Variants in PYCR3 observed in about 807,000 individuals in gnomAD.
PYCR3 encodes the protein pyrroline-5-carboxylate reductase 3.
In PYCR3, 26 loss-of-function variants were observed where a neutral mutation model predicts 23.4. The ratio of observed to expected loss-of-function variants is 1.11; its 90% confidence interval spans 0.81 to 1.54. The LOEUF is 1.54. PYCR3 is among the 40% of genes most tolerant of loss of function. PYCR3 has a pLI of 0.00. For synonymous variants in PYCR3, 194 were observed against 162.6 expected, an observed-to-expected ratio of 1.19 and a Z score of -1.47; for missense variants, 360 against 376.3, an observed-to-expected ratio of 0.96 and a Z score of 0.36.
intron 1 of PYCR3, chr8:143,608,851 TGA>T: frequency 2.2e-6 from 1 of 456,694 alleles, no homozygotes; most frequent in Non-Finnish European, 4.4e-6. Context: ...CGATTGATCT[TGA>T]CTCTTCTGGA....
intron 3 of PYCR3, 121 bp downstream of exon 3, chr8:143,606,832 G>T: frequency 1.5e-6 from 2 of 1,366,752 alleles, no homozygotes; most frequent in Non-Finnish European, 2.0e-6. Flanking sequence ...CCTAAATCCA[G>T]CCACTTGATC....
intron 5 of PYCR3, 83 bp from the exon 6 acceptor site, chr8:143,605,965 C>A: frequency 6.4e-7 from 1 of 1,564,464 alleles, no homozygotes; most frequent in Non-Finnish European, 8.7e-7. Flanking sequence ...ATCCCCCAAC[C>A]TTGGCCCCAG....
chr8:143,606,324 G>T, intron 4 of PYCR3, 143 bp downstream of exon 4: 2 of 1,092,338 alleles, frequency 1.8e-6, no homozygotes, highest in Non-Finnish European at 1.3e-6. Context: ...GAAGTCCCGG[G>T]GACAAGCAGA....
In PYCR3 at chr8:143,609,555, G is replaced by A. The variant is rs759472146; in HGVS notation, c.-7C>T. ...ACGGCTCCGCAGCTGCCATCTTGTTGCCTCGGACGCCGCTGCGCTCACCGC... is the reference window on the plus strand; with the variant it reads ...ACGGCTCCGCAGCTGCCATCTTGTTACCTCGGACGCCGCTGCGCTCACCGC... On this transcript the variant is annotated 5_prime_UTR_variant, in exon 1 of 6. Transcript: ENST00000495276. 2.7e-6 allele frequency: 4 copies of A among 1,500,138 alleles called. No homozygotes were observed. The Admixed American group carries it at 8.6e-5, about 32-fold the overall frequency. 92.9% of individuals were successfully genotyped at this position (1,500,138 alleles called of 1,614,324 possible).
intron 1 of PYCR3, chr8:143,608,894 A>T (rs1270070217): frequency 2.2e-6 from 1 of 456,676 alleles, no homozygotes. Flanking sequence ...CAGAGAGTCA[A>T]AAGTCACCCA....
chr8:143,608,908 C>G, intron 1 of PYCR3: 1 of 456,902 alleles, frequency 2.2e-6, no homozygotes, highest in Non-Finnish European at 4.4e-6. Context: ...TCACCCAGCT[C>G]TCCCTATCCA....
chr8:143,607,480 A>C (rs1829434076), intron 2 of PYCR3, among the ~76,000 whole-genome samples: 1 of 152,122 alleles, frequency 6.6e-6, no homozygotes, highest in Admixed American at 6.5e-5. Context: ...GCATACATAC[A>C]CATGTACACA....
chr8:143,605,692 A>G lies in PYCR3; in HGVS notation c.*8T>C, dbSNP rs374994673. On this transcript the variant is annotated 3_prime_UTR_variant, in exon 6 of 6. Coordinates refer to ENST00000495276, the MANE Select transcript of PYCR3 (RefSeq NM_023078.6). ...CACAGAGGCAGGAAAGGATGGCCAG[A>G]GCCCAGCCTACTTTCTGCTGAGCTC... is the stretch of plus-strand genomic sequence containing the variant. The G allele has an allele frequency of 2.6e-5, 42 of 1,586,046 alleles. No individual in the cohort carries two copies. The highest frequency in any genetic ancestry group is 3.3e-5 in the Non-Finnish European group (38 of 1,160,736).
At position 143,605,834 on chromosome 8, in the gene PYCR3, G is replaced by A. The variant is rs899017241; in HGVS notation, c.691C>T (p.Arg231Cys). ...CCACCCGGGGTGCACACGTCTGAGC[G>A]CAGCTGGGCTGGGTGTTGGCCCTCG... ...LHEGQHPAQLRSDVCTPGGTT... is the reference protein window; with the variant it reads ...LHEGQHPAQLCSDVCTPGGTT... Residue 231 changes from arginine to cysteine, a missense_variant, in exon 6 of 6, where the codon CGC becomes TGC. Coordinates refer to ENST00000495276, the MANE Select transcript of PYCR3 (RefSeq NM_023078.6). The A allele has an allele frequency of 9.9e-6, 16 of 1,611,128 alleles. No individual in the cohort carries two copies. The highest frequency in any genetic ancestry group is 4.5e-5 in the East Asian group (2 of 44,846).
chr8:143,606,591 C>A lies in PYCR3; in HGVS notation c.425G>T (p.Arg142Leu), dbSNP rs760605838. 3.7e-5 allele frequency: 60 copies of A among 1,611,966 alleles called. No homozygotes were observed. The Middle Eastern group carries it at 6.6e-4, about 18-fold the overall frequency. ...QEGAIVMARG[R>L]HVGSSETKLL... ...CTTGGTCTCGCTGCTCCCCACGTGGCGGCCCCGCGCCATCACTATGGCCCC... is the reference window on the plus strand; with the variant it reads ...CTTGGTCTCGCTGCTCCCCACGTGGAGGCCCCGCGCCATCACTATGGCCCC... Residue 142 changes from arginine to leucine, a missense_variant, in exon 4 of 6, where the codon CGC becomes CTC. By Grantham distance (102) the Arg-to-Leu change is moderately radical. Transcript: ENST00000495276.
intron 1 of PYCR3, chr8:143,608,815 C>T (rs1240239641): frequency 4.4e-6 from 2 of 456,468 alleles, no homozygotes; most frequent in Middle Eastern, 3.2e-4. Flanking sequence ...AGGGAAGACT[C>T]CTGAGACTCA....
chr8:143,608,185 G>C (rs1301083850), intron 1 of PYCR3, 59 bp from the exon 2 acceptor site: 2 of 1,378,926 alleles, frequency 1.5e-6, no homozygotes, highest in Admixed American at 1.7e-5. Flanking sequence ...ATGGCACGGA[G>C]AGGAGAGGGA....
intron 4 of PYCR3, 146 bp from the exon 5 acceptor site, chr8:143,606,300 A>T: frequency 9.0e-7 from 1 of 1,111,098 alleles, no homozygotes; most frequent in South Asian, 1.5e-5. Flanking sequence ...GGCCTCAAAG[A>T]TCCCCAAGGC....
intron 2 of PYCR3, among the ~76,000 whole-genome samples, chr8:143,607,579 C>G (rs1047721009): frequency 6.6e-6 from 1 of 152,144 alleles, no homozygotes; most frequent in Non-Finnish European, 1.5e-5. Flanking sequence ...CACGCACACA[C>G]GCACTCATAT....
At position 143,605,778 on chromosome 8, in the gene PYCR3, C is replaced by A; in HGVS notation, c.747G>T (p.Glu249Asp). Residue 249 changes from glutamate (E) to aspartate (D), a missense_variant, in exon 6 of 6, where the codon GAG becomes GAT. Glu to Asp is a conservative substitution (Grantham distance 45, BLOSUM62 2). Transcript: ENST00000495276. The stretch of plus-strand genomic sequence containing the variant: ...TGGTGGCTGCTCGCAGCCCGCCCTG[C>A]TCCAGGGCGTGGAGTCCATAGATGG... The part of the protein sequence containing the change: ...GTTIYGLHAL[E>D]QGGLRAATMS... 1 of 1,611,842 alleles carries A rather than the reference C, an allele frequency of 6.2e-7. No individual in the cohort carries two copies. Among genetic ancestry groups the A allele is most frequent in the Admixed American group, 1.7e-5 (1 of 60,010 alleles).
rs766201358 is a variant in PYCR3, at chr8:143,606,535, G to A, written c.481C>T (p.Arg161Trp). 2.7e-5 allele frequency: 44 copies of A among 1,612,942 alleles called. No homozygotes were observed. In the South Asian group the frequency reaches 3.8e-4, roughly 14 times the overall value. The change falls in exon 4 of 6, where the codon CGG (arginine) becomes TGG (tryptophan). Residue 161 changes from arginine (R) to tryptophan (W), a missense_variant. Transcript: ENST00000495276. ...LLQHLLEACG[R>W]CEEVPEAYVD... ...TAGGCTTCAGGCACCTCCTCACACC[G>A]CCCACAGGCCTCCAGCAGATGCTGC...
At chr8:143,606,378 G>A in intron 4 of PYCR3, 89 bp downstream of exon 4, 1 of 1,414,328 alleles carries the variant, frequency 7.1e-7, no homozygotes, top group Admixed American at 1.7e-5. Context: ...CCTCAAGGTT[G>A]GACTCTGAGG....
In PYCR3 at chr8:143,604,759, G is replaced by A. The variant is rs950027215; in HGVS notation, c.*941C>T. The stretch of plus-strand genomic sequence containing the variant: ...GGGTTTGCTTCTCCCCTGAGTCCTG[G>A]CTTTCCTGACCTGCCGTCCGTTAGG... On this transcript the variant is annotated 3_prime_UTR_variant, in exon 6 of 6. Coordinates refer to ENST00000495276, the MANE Select transcript of PYCR3 (RefSeq NM_023078.6). The A allele has an allele frequency of 7.4e-6, 3 of 406,288 alleles. No individual in the cohort carries two copies. The highest frequency in any genetic ancestry group is 6.3e-5 in the African/African-American group (3 of 47,354). 25.2% of individuals were successfully genotyped at this position (406,288 alleles called of 1,614,324 possible). A position where few individuals can be genotyped will look rare whatever the true frequency, so the allele number is the denominator to read the frequency against.
rs372628482 is a variant in PYCR3, at chr8:143,608,162, G to A, written c.92-36C>T. ...AGGAAAAGGAAGAGGGGTTGGTGAA[G>A]GGGTGGGATAGGATGGCACGGAGAG... On this transcript the variant is annotated intron_variant, in intron 1 of 5. Transcript: ENST00000495276. The A allele has an allele frequency of 3.9e-5, 61 of 1,557,002 alleles. No homozygotes were observed. In the African/African-American group the frequency reaches 7.6e-4, roughly 19 times the overall value.
Sources: allele counts gnomAD v4.1 joint callset (sites outside exome capture counted in the v4.1 genomes callset), GRCh38; gene constraint gnomAD v4.1.1; transcripts MANE v1.5; gene names NCBI Gene and HGNC (gene_info 2026-07-23, HGNC 2026-07-21).